Variants in SEMA3E observed in about 807,000 individuals in gnomAD.
The protein encoded by SEMA3E is semaphorin 3E.
A neutral mutation model predicts 93.6 loss-of-function variants in SEMA3E; 49 were observed. The observed-to-expected ratio is 0.52, with a 90% CI of 0.42 to 0.66. The LOEUF is 0.66. Among genes scored for constraint, SEMA3E ranks in the 30% least tolerant of loss-of-function variants. The pLI is 0.00. For missense variants in SEMA3E, 906 were observed against 964.8 expected, an observed-to-expected ratio of 0.94 and a Z score of 0.81; for synonymous variants, 363 against 330.7, an observed-to-expected ratio of 1.10 and a Z score of -1.06.
chr7:83,423,812 C>T (rs1788718097), intron 4 of SEMA3E, among the ~76,000 whole-genome samples: 1 of 152,028 alleles, frequency 6.6e-6, no homozygotes, highest in East Asian at 1.9e-4. Context: ...CACCCAGCCT[C>T]GATTTTAAAA....
intron 2 of SEMA3E, 75 bp from the exon 3 acceptor site, chr7:83,469,377 T>G (rs1584269667): frequency 9.7e-7 from 1 of 1,029,368 alleles, no homozygotes; most frequent in South Asian, 1.4e-5. Flanking sequence ...TTTCACTTTC[T>G]TCTACAGTTC....
rs554017689 is a variant in SEMA3E, at chr7:83,466,475, A to G, written c.456+7T>C. The G allele has an allele frequency of 6.2e-7, 1 of 1,613,914 alleles. No individual in the cohort carries two copies. Among genetic ancestry groups the G allele is most frequent in the Middle Eastern group, 1.7e-4 (1 of 6,060 alleles). ...TTTTATTGACAGCAATGAATGAAACATCTTACCTCCAAATGATATCCAACT... is the reference window on the plus strand; with the variant it reads ...TTTTATTGACAGCAATGAATGAAACGTCTTACCTCCAAATGATATCCAACT... On this transcript the variant is annotated splice_region_variant and intron_variant, in intron 4 of 16. Transcript: ENST00000643230.
intron 1 of SEMA3E, among the ~76,000 whole-genome samples, chr7:83,583,017 T>G: frequency 6.6e-6 from 1 of 152,132 alleles, no homozygotes; most frequent in East Asian, 1.9e-4. Context: ...TATAGTAACA[T>G]TACTTTTCTG....
intron 1 of SEMA3E, among the ~76,000 whole-genome samples, chr7:83,601,699 A>C (rs1005531608): frequency 1.3e-5 from 2 of 152,156 alleles, no homozygotes; most frequent in African/African-American, 4.8e-5. Context: ...GAAATAGAGA[A>C]AATCAAGCTA....
At chr7:83,400,469 T>C (rs1412996215) in intron 10 of SEMA3E, among the ~76,000 whole-genome samples, 2 of 152,136 alleles carry the variant, frequency 1.3e-5, no homozygotes, top group African/African-American at 4.8e-5. Context: ...CATGTTGTTG[T>C]ACAGATTATT....
intron 16 of SEMA3E, among the ~76,000 whole-genome samples, chr7:83,380,694 C>T (rs561766555): frequency 2.0e-5 from 3 of 152,052 alleles, no homozygotes; most frequent in Admixed American, 6.6e-5. Context: ...TTAAGGAACA[C>T]ATATAATTAT....
At chr7:83,435,063 C>A (rs12707584) in intron 4 of SEMA3E, among the ~76,000 whole-genome samples, 81,050 of 151,962 alleles carry the variant, frequency 0.53, 23,468 homozygotes, top group East Asian at 0.84. Context: ...TACAAAAAAT[C>A]TTTATCTAAA....
chr7:83,600,506 T>TG, intron 1 of SEMA3E, among the ~76,000 whole-genome samples: 2 of 131,774 alleles, frequency 1.5e-5, no homozygotes. Flanking sequence ...TTTTTTTTTT[T>TG]TTTTTTTTTT....
At chr7:83,525,590 C>G (rs1307956031) in intron 1 of SEMA3E, among the ~76,000 whole-genome samples, 1 of 151,876 alleles carries the variant, frequency 6.6e-6, no homozygotes, top group East Asian at 1.9e-4. Flanking sequence ...TTAATTTTTA[C>G]AACTTCCTCT....
At position 83,648,629 on chromosome 7, in the gene SEMA3E, C is replaced by T. The variant is rs367546519; in HGVS notation, c.-87G>A. 3.9e-5 allele frequency: 37 copies of T among 956,240 alleles called. No individual in the cohort carries two copies. In the African/African-American group the frequency reaches 4.5e-4, roughly 12 times the overall value. The allele number at this position is 956,240 out of a possible 1,614,324, so 59.2% of individuals were successfully genotyped here. A position where few individuals can be genotyped will look rare whatever the true frequency, so the allele number is the denominator to read the frequency against. ...AGGACTTCCCTCCAGGGGCAGCGTG[C>T]GAGAGGCTTTGTCAGAAATCGAACG... On this transcript the variant is annotated 5_prime_UTR_variant, in exon 1 of 17. Transcript: ENST00000643230.
chr7:83,498,445 T>G (rs1790534512), intron 1 of SEMA3E, among the ~76,000 whole-genome samples: 1 of 152,154 alleles, frequency 6.6e-6, no homozygotes, highest in South Asian at 2.1e-4. Context: ...AGAGATAATT[T>G]TTTTCAAACT....
rs1265244315 is a variant in SEMA3E, at chr7:83,407,238, T to C, written c.672A>G (p.Glu224=). Residue 224 remains glutamate, a splice_region_variant and synonymous_variant, in exon 7 of 17, where the codon GAA becomes GAG. Coordinates refer to ENST00000643230, the MANE Select transcript of SEMA3E (RefSeq NM_012431.3). The stretch of plus-strand genomic sequence containing the variant: ...TCATGTATGAACCTACAAATTTTGG[T>C]TCTATAGGAGCAAAAAATAGGAGAA... The part of the protein sequence containing the change: ...TEHDDERLLK[E]PKFVGSYMIP... 6.2e-7 allele frequency: 1 copy of C among 1,612,582 alleles called. No homozygotes were observed. The highest frequency in any genetic ancestry group is 2.2e-5 in the East Asian group (1 of 44,818).
intron 4 of SEMA3E, among the ~76,000 whole-genome samples, chr7:83,454,272 A>AAAATATATATAT (rs1257792756): frequency 9.1e-6 from 1 of 110,134 alleles, no homozygotes; most frequent in African/African-American, 4.3e-5. Flanking sequence ...AAAAAAAAAA[A>AAAATATATATAT]ATATATATAT....
Position 83,367,607 on chromosome 7 carries a change from G to A in SEMA3E, c.2307C>T (p.Pro769=), listed in dbSNP as rs1199344717. The A allele has an allele frequency of 6.2e-7, 1 of 1,614,108 alleles. No homozygotes were observed. Among genetic ancestry groups the A allele is most frequent in the Middle Eastern group, 1.6e-4 (1 of 6,062 alleles). The change falls in exon 17 of 17, where the codon CCC becomes CCT. Residue 769 remains proline, a synonymous_variant. Transcript: ENST00000643230. ...LRSKPEHYRL[P]RHTLDS ...CCCATCAGGAGTCCAGCGTGTGCCT[G>A]GGCAGGCGGTAATGCTCAGGTTTGG...
chr7:83,414,081 T>C (rs1788496031), intron 5 of SEMA3E, among the ~76,000 whole-genome samples: 2 of 152,174 alleles, frequency 1.3e-5, no homozygotes, highest in South Asian at 4.1e-4. Context: ...GCAGCAGCAT[T>C]GGATAAGAAA....
chr7:83,531,931 G>T (rs1791309476), intron 1 of SEMA3E, among the ~76,000 whole-genome samples: 1 of 152,050 alleles, frequency 6.6e-6, no homozygotes, highest in African/African-American at 2.4e-5. Context: ...ATAAATATTT[G>T]CATTCAACTA....
intron 16 of SEMA3E, among the ~76,000 whole-genome samples, chr7:83,373,442 A>C (rs1298398467): frequency 1.1e-4 from 17 of 152,216 alleles, no homozygotes; most frequent in Middle Eastern, 3.4e-3. Context: ...CTTACAGAAA[A>C]TATACCTAAT....
At chr7:83,584,989 C>T (rs1433190469) in intron 1 of SEMA3E, among the ~76,000 whole-genome samples, 1 of 152,208 alleles carries the variant, frequency 6.6e-6, no homozygotes, top group Non-Finnish European at 1.5e-5. Flanking sequence ...CAAGAGTCGA[C>T]ATCCTCTGGC....
At chr7:83,545,815 TTATATA>T (rs145965702) in intron 1 of SEMA3E, among the ~76,000 whole-genome samples, 2 of 145,434 alleles carry the variant, frequency 1.4e-5, no homozygotes, top group African/African-American at 2.5e-5. Flanking sequence ...ATATCCAGTA[TTATATA>T]TATATATAAT....
Sources: gnomAD v4.1 joint callset for allele counts (sites outside exome capture counted in the v4.1 genomes callset) on GRCh38, gnomAD v4.1.1 for gene constraint, MANE v1.5 for transcripts, NCBI Gene and HGNC (gene_info 2026-07-23, HGNC 2026-07-21) for gene names.